Variants in ZWINT observed in about 807,000 individuals in gnomAD.
ZWINT encodes ZW10 interacting kinetochore protein.
Under a neutral mutation model 41.5 loss-of-function variants are expected in ZWINT, and 41 were observed. The ratio of observed to expected loss-of-function variants is 0.99; its 90% confidence interval spans 0.77 to 1.28. The LOEUF is 1.28. ZWINT is among the 50% of genes most tolerant of loss of function. The pLI, the probability that ZWINT is intolerant of heterozygous loss-of-function variation, is 0.00. For missense variants in ZWINT, 369 were observed against 329.7 expected (o/e 1.12, Z -0.92); for synonymous variants, 132 against 126.8 (o/e 1.04, Z -0.28).
Position 56,358,377 on chromosome 10 carries a change from CT to C in ZWINT, c.*40del. 1 of 1,613,874 alleles carries C rather than the reference CT, an allele frequency of 6.2e-7. No homozygotes were observed. The highest frequency in any genetic ancestry group is 1.1e-5 in the South Asian group (1 of 91,056). Reference sequence around the variant, plus strand: ...CACCAAGGCCTGAGTTGGGTCTGACCTTTTCTAGGATCTTTCTCCATGCTGC... The same window carrying C: ...CACCAAGGCCTGAGTTGGGTCTGACCTTTCTAGGATCTTTCTCCATGCTGC... On this transcript the variant is annotated splice_region_variant and 3_prime_UTR_variant, in exon 8 of 9. Transcript: ENST00000373944.
In ZWINT at chr10:56,359,791, C is replaced by A; in HGVS notation, c.319G>T (p.Val107Leu). The A allele has an allele frequency of 6.2e-7, 1 of 1,614,150 alleles. No homozygotes were observed. The change falls in exon 4 of 9, where the codon GTA becomes TTA. Residue 107 changes from valine (V) to leucine (L), a missense_variant. Transcript: ENST00000373944. Reference protein sequence around the residue: ...KELKATYREHVEAIKIGLTKA... With the variant: ...KELKATYREHLEAIKIGLTKA... ...GTGAGGCCAATTTTGATGGCCTCTA[C>A]GTGCTCCCTGTAGGTGGCCTTCAGC...
At chr10:56,361,270 A>G, upstream of ZWINT, 1 of 1,606,334 alleles carries the variant, frequency 6.2e-7, no homozygotes, top group Non-Finnish European at 8.5e-7. Flanking sequence ...GCCTTCCCAC[A>G]ATCCCTAAGA....
At chr10:56,358,514 C>T in intron 7 of ZWINT, 42 bp downstream of exon 7, 1 of 1,613,978 alleles carries the variant, frequency 6.2e-7, no homozygotes, top group South Asian at 1.1e-5. Flanking sequence ...GCTTCTGTCT[C>T]CACCTGCCAG....
At chr10:56,360,814 C>G (rs550196601) in intron 1 of ZWINT, among the ~76,000 whole-genome samples, 4 of 152,082 alleles carry the variant, frequency 2.6e-5, no homozygotes, top group Non-Finnish European at 5.9e-5. Flanking sequence ...GGACTCAGGG[C>G]AGAGGGCTGG....
Position 56,358,635 on chromosome 10 carries a change from T to C in ZWINT, c.713A>G (p.Asp238Gly). The change falls in exon 7 of 9, where the codon GAT becomes GGT. Residue 238 changes from aspartate to glycine, a missense_variant. Transcript: ENST00000373944. Reference protein sequence around the residue: ...AEAEAENLPDDKPQQPTRPQE... With the variant: ...AEAEAENLPDGKPQQPTRPQE... ...GGGTCGAGTCGGCTGCTGGGGTTTA[T>C]CATCTGGAAGATTCTCTGCCTCAGC... The C allele has an allele frequency of 6.2e-7, 1 of 1,614,056 alleles. No individual in the cohort carries two copies.
Position 56,358,804 on chromosome 10 carries a change from C to T in ZWINT, c.623+1G>A, listed in dbSNP as rs1291949061. The T allele has an allele frequency of 6.2e-7, 1 of 1,614,050 alleles. No homozygotes were observed. Among genetic ancestry groups the T allele is most frequent in the African/African-American group, 1.3e-5 (1 of 75,034 alleles). On this transcript the variant is annotated splice_donor_variant, in intron 6 of 8. Transcript: ENST00000373944. LOFTEE classifies it high-confidence loss of function. ...TCTGCAGCCCATGCTCCCGAACTTA[C>T]CTCTGCAGCTTGTCCCGCTCCTGTT...
intron 1 of ZWINT, 136 bp downstream of exon 1, chr10:56,361,060 C>G: frequency 2.1e-6 from 2 of 937,948 alleles, no homozygotes; most frequent in African/African-American, 3.3e-5. Flanking sequence ...TAAGACGGGA[C>G]TGCGGTGAGG....
rs1187293529 is a variant in ZWINT, at chr10:56,358,150, T to C, written c.*77A>G. The stretch of plus-strand genomic sequence containing the variant: ...GAACTCAGGAGTTCACAGTCTTTCC[T>C]GTAATGATGGTTGGGAGGTGAGGGA... On this transcript the variant is annotated 3_prime_UTR_variant, in exon 9 of 9. Transcript: ENST00000373944. 1 of 719,364 alleles carries C rather than the reference T, an allele frequency of 1.4e-6. No homozygotes were observed. Among genetic ancestry groups the C allele is most frequent in the Non-Finnish European group, 2.6e-6 (1 of 379,734 alleles). 44.6% of individuals were successfully genotyped at this position (719,364 alleles called of 1,614,324 possible).
Position 56,359,493 on chromosome 10 carries a change from G to T in ZWINT, c.463C>A (p.Gln155Lys). 1 of 1,539,822 alleles carries T rather than the reference G, an allele frequency of 6.5e-7. No individual in the cohort carries two copies. Among genetic ancestry groups the T allele is most frequent in the Non-Finnish European group, 8.7e-7 (1 of 1,147,528 alleles). Reference protein sequence around the residue: ...AMEKRRAVQNQWQLQQEKHLQ... With the variant: ...AMEKRRAVQNKWQLQQEKHLQ... ...GAACCTACCTGTTGTAGCTGCCACT[G>T]GTTCTGGACTGCTCTGCGTTTCTCC... Residue 155 changes from glutamine (Q) to lysine (K), a missense_variant, in exon 5 of 9, where the codon CAG (glutamine) becomes AAG (lysine). By Grantham distance (53) the Gln-to-Lys change is moderately conservative. Transcript: ENST00000373944.
Position 56,357,953 on chromosome 10 carries a change from A to T in ZWINT, c.*274T>A. 1 of 428,258 alleles carries T rather than the reference A, an allele frequency of 2.3e-6. No individual in the cohort carries two copies. The highest frequency in any genetic ancestry group is 2.0e-5 in the African/African-American group (1 of 49,582). 26.5% of individuals were successfully genotyped at this position (428,258 alleles called of 1,614,324 possible). A position where few individuals can be genotyped will look rare whatever the true frequency, so the allele number is the denominator to read the frequency against. On this transcript the variant is annotated 3_prime_UTR_variant, in exon 9 of 9. Transcript: ENST00000373944. Reference sequence around the variant, plus strand: ...GCCAGTACCCCCTCCCCATCTGCACACCCTGTGTTCAAACCAGTCCCAGCT... The same window carrying T: ...GCCAGTACCCCCTCCCCATCTGCACTCCCTGTGTTCAAACCAGTCCCAGCT...
rs1410866992 is a variant in ZWINT at position 56,360,112 on chromosome 10, G to T, written c.162C>A (p.Cys54Ter). Reference protein sequence around the residue: ...VDSQKKDKLLCSQLQVADFLQ... With the variant: ...VDSQKKDKLL ...GGAAATCCGCTACCTGAAGCTGGCT[G>T]CAGAGCAGCTTGTCTTTCTTCTGAG... The change falls in exon 3 of 9, where the codon TGC (cysteine) becomes TGA (stop). Residue 54 changes from cysteine to a stop codon, truncating the protein, a stop_gained. Coordinates refer to ENST00000373944, the MANE Select transcript of ZWINT (RefSeq NM_007057.4). LOFTEE classifies it high-confidence loss of function. 6.2e-7 allele frequency: 1 copy of T among 1,613,990 alleles called. No individual in the cohort carries two copies. Among genetic ancestry groups the T allele is most frequent in the African/African-American group, 1.3e-5 (1 of 74,944 alleles).
At position 56,360,146 on chromosome 10, in the gene ZWINT, T is replaced by C; in HGVS notation, c.133-5A>G. The C allele has an allele frequency of 6.2e-7, 1 of 1,613,880 alleles. No individual in the cohort carries two copies. The highest frequency in any genetic ancestry group is 8.5e-7 in the Non-Finnish European group (1 of 1,180,024). Reference sequence around the variant, plus strand: ...CTTGTCTTTCTTCTGAGAGTCCTGCTCAGAGGGAGGGCAGAGACAGGGAAC... The same window carrying C: ...CTTGTCTTTCTTCTGAGAGTCCTGCCCAGAGGGAGGGCAGAGACAGGGAAC... On this transcript the variant is annotated splice_region_variant and splice_polypyrimidine_tract_variant and intron_variant, in intron 2 of 8. Coordinates refer to ENST00000373944, the MANE Select transcript of ZWINT (RefSeq NM_007057.4).
rs1437483488 is a variant in ZWINT, at chr10:56,358,440, G to A, written c.812C>T (p.Ala271Val). The A allele has an allele frequency of 6.2e-7, 1 of 1,614,102 alleles. No homozygotes were observed. Among genetic ancestry groups the A allele is most frequent in the African/African-American group, 1.3e-5 (1 of 75,000 alleles). Residue 271 changes from alanine (A) to valine (V), a missense_variant, in exon 8 of 9, where the codon GCT becomes GTT. Ala to Val is a moderately conservative substitution (Grantham distance 64). Coordinates refer to ENST00000373944, the MANE Select transcript of ZWINT (RefSeq NM_007057.4). ...VSFKAVGLQPAGDVNLP is the reference protein window; with the variant it reads ...VSFKAVGLQPVGDVNLP ...AAGTCATGGCAAATTTACATCTCCAGCAGGTTGTAGACCAACAGCCTTGGA... is the reference window on the plus strand; with the variant it reads ...AAGTCATGGCAAATTTACATCTCCAACAGGTTGTAGACCAACAGCCTTGGA...
At chr10:56,361,164 G>GC (rs771079252) in intron 1 of ZWINT, 32 bp downstream of exon 1, 1 of 1,612,078 alleles carries the variant, frequency 6.2e-7, no homozygotes, top group Non-Finnish European at 8.5e-7. Context: ...CCCAGGCCCG[G>GC]CCCCAGCTGC....
chr10:56,358,535 C>A (rs376399068), intron 7 of ZWINT, 21 bp downstream of exon 7: 2 of 1,613,862 alleles, frequency 1.2e-6, no homozygotes, highest in East Asian at 2.2e-5. Context: ...CCCATGCCCA[C>A]CTGTTCCATC....
At chr10:56,358,310 G>T in intron 8 of ZWINT, 67 bp downstream of exon 8, 1 of 1,334,092 alleles carries the variant, frequency 7.5e-7, no homozygotes, top group Non-Finnish European at 1.1e-6. Flanking sequence ...GCAGAGAGAG[G>T]TAAACCAGGC....
rs1460628296 is a variant in ZWINT at position 56,358,977 on chromosome 10, C to A, written c.481-30G>T. ...CAGGAGTGAGCATGCAGACATTATG[C>A]ATCAGATGTTGAAGTCTTAGAAACT... On this transcript the variant is annotated intron_variant, in intron 5 of 8. Transcript: ENST00000373944. 5.0e-6 allele frequency: 8 copies of A among 1,610,980 alleles called. No homozygotes were observed. The Admixed American group carries it at 1.2e-4, about 24-fold the overall frequency.
rs773297417 is a variant in ZWINT, at chr10:56,358,433, A to C, written c.819T>G (p.Asp273Glu). 1 of 1,614,052 alleles carries C rather than the reference A, an allele frequency of 6.2e-7. No individual in the cohort carries two copies. Among genetic ancestry groups the C allele is most frequent in the Admixed American group, 1.7e-5 (1 of 59,998 alleles). The change falls in exon 8 of 9, where the codon GAT (aspartate) becomes GAG (glutamate). Residue 273 changes from aspartate to glutamate, a missense_variant. Physicochemically the swap from Asp to Glu is conservative, Grantham distance 45 (BLOSUM62 2). Transcript: ENST00000373944. The stretch of plus-strand genomic sequence containing the variant: ...CTCCAGGAAGTCATGGCAAATTTAC[A>C]TCTCCAGCAGGTTGTAGACCAACAG... Reference protein sequence around the residue: ...FKAVGLQPAGDVNLP With the variant: ...FKAVGLQPAGEVNLP
rs762632784 is a variant in ZWINT at position 56,359,709 on chromosome 10, G to C, written c.401C>G (p.Ala134Gly). The change falls in exon 4 of 9, where the codon GCC (alanine) becomes GGC (glycine). Residue 134 changes from alanine to glycine, a missense_variant. By Grantham distance (60) the Ala-to-Gly change is moderately conservative (BLOSUM62 0). Transcript: ENST00000373944. ...AQRKRTQLRE[A>G]FEQLQAKKQM... Reference sequence around the variant, plus strand: ...TACCTTGGCCTGGAGCTGCTCAAAGGCTTCCCGGAGTTGTGTCCGTTTCCT... The same window carrying C: ...TACCTTGGCCTGGAGCTGCTCAAAGCCTTCCCGGAGTTGTGTCCGTTTCCT... 2 of 1,614,116 alleles carry C rather than the reference G, an allele frequency of 1.2e-6. No individual in the cohort carries two copies. Among genetic ancestry groups the C allele is most frequent in the South Asian group, 2.2e-5 (2 of 91,076 alleles).
Sources: allele counts gnomAD v4.1 joint callset (sites outside exome capture counted in the v4.1 genomes callset), GRCh38; gene constraint gnomAD v4.1.1; transcripts MANE v1.5; gene names NCBI Gene and HGNC (gene_info 2026-07-23, HGNC 2026-07-21).